The following ZRANB3 variants were observed in gnomAD, a reference collection of about 807,000 sequenced individuals.
The protein encoded by ZRANB3 is DNA annealing helicase and endonuclease ZRANB3.
In ZRANB3, 125 loss-of-function variants were observed where a neutral mutation model predicts 133.8. The ratio of observed to expected loss-of-function variants is 0.93; its 90% CI spans 0.81 to 1.08. The LOEUF is 1.08. Ranked by LOEUF, ZRANB3 falls within the 50% of genes least tolerant of loss-of-function variation. The pLI is 0.00. For synonymous variants in ZRANB3, 387 were observed against 432.7 expected (o/e 0.89, Z 1.31); for missense variants, 1,229 against 1,275.5 (o/e 0.96, Z 0.56).
At chr2:135,522,396 T>C (rs1263830348) in intron 1 of ZRANB3, among the ~76,000 whole-genome samples, 1 of 152,230 alleles carries the variant, frequency 6.6e-6, no homozygotes, top group Admixed American at 6.5e-5. Context: ...ACTCTTATTC[T>C]GTCTCTTTCT....
intron 3 of ZRANB3, among the ~76,000 whole-genome samples, chr2:135,389,876 C>CCT (rs1687145218): frequency 2.0e-5 from 2 of 102,334 alleles, no homozygotes; most frequent in Non-Finnish European, 3.7e-5. Flanking sequence ...TGCTGTTATT[C>CCT]TTTTTTTTTT....
intron 8 of ZRANB3, among the ~76,000 whole-genome samples, chr2:135,279,473 G>A: frequency 6.6e-6 from 1 of 152,196 alleles, no homozygotes. Context: ...CTTTAATAAA[G>A]TGCATATTTG....
intron 12 of ZRANB3, among the ~76,000 whole-genome samples, chr2:135,258,622 T>C (rs1365185264): frequency 1.3e-5 from 2 of 152,230 alleles, no homozygotes; most frequent in Non-Finnish European, 2.9e-5. Context: ...GACATAGACA[T>C]TTGTATGTCT....
At chr2:135,395,117 T>G (rs1475555118) in intron 2 of ZRANB3, among the ~76,000 whole-genome samples, 1 of 152,110 alleles carries the variant, frequency 6.6e-6, no homozygotes, top group African/African-American at 2.4e-5. Flanking sequence ...TACAGAGCTA[T>G]TGTTACCAGC....
At chr2:135,527,040 T>C (rs1694193224) in intron 1 of ZRANB3, among the ~76,000 whole-genome samples, 1 of 152,220 alleles carries the variant, frequency 6.6e-6, no homozygotes, top group African/African-American at 2.4e-5. Flanking sequence ...TGTATTTGAT[T>C]GATGTCTCAT....
intron 2 of ZRANB3, among the ~76,000 whole-genome samples, chr2:135,494,919 A>T (rs563135186): frequency 6.6e-6 from 1 of 152,326 alleles, no homozygotes; most frequent in Non-Finnish European, 1.5e-5. Context: ...CAACTGACAA[A>T]ATATATTAAA....
intron 2 of ZRANB3, among the ~76,000 whole-genome samples, chr2:135,493,466 T>G: frequency 6.6e-6 from 1 of 151,522 alleles, no homozygotes; most frequent in Middle Eastern, 3.2e-3. Flanking sequence ...GCAACCCAAT[T>G]AAAACAAGGG....
At chr2:135,471,845 A>C (rs948307543) in intron 2 of ZRANB3, among the ~76,000 whole-genome samples, 1 of 152,252 alleles carries the variant, frequency 6.6e-6, no homozygotes, top group Non-Finnish European at 1.5e-5. Flanking sequence ...TTTTGCCTTT[A>C]GCATTACCAA....
chr2:135,507,976 AAGAG>A (rs141612301), intron 1 of ZRANB3, among the ~76,000 whole-genome samples: 10,070 of 151,844 alleles, frequency 0.066, 708 homozygotes, highest in African/African-American at 0.18. Flanking sequence ...AGGGAAAGAA[AAGAG>A]AGAGAGAGAA....
chr2:135,523,689 G>A (rs1343274875), intron 1 of ZRANB3, among the ~76,000 whole-genome samples: 1 of 152,128 alleles, frequency 6.6e-6, no homozygotes, highest in African/African-American at 2.4e-5. Flanking sequence ...AGACACAGAT[G>A]GTCAACTAAT....
chr2:135,254,187 T>C (rs1346312634), intron 12 of ZRANB3, among the ~76,000 whole-genome samples: 2 of 152,188 alleles, frequency 1.3e-5, no homozygotes, highest in East Asian at 1.9e-4. Flanking sequence ...CTGCCTGAAA[T>C]TGGACCTACT....
intron 2 of ZRANB3, among the ~76,000 whole-genome samples, chr2:135,406,486 T>C (rs1292010911): frequency 3.3e-5 from 5 of 152,256 alleles, no homozygotes; most frequent in Non-Finnish European, 2.9e-5. Flanking sequence ...TCAGCATCAT[T>C]CTGATACCAA....
At chr2:135,366,860 TA>T (rs950300547) in intron 3 of ZRANB3, among the ~76,000 whole-genome samples, 35 of 145,498 alleles carry the variant, frequency 2.4e-4, no homozygotes, top group South Asian at 2.2e-4. Context: ...CTACTAAAAA[TA>T]AAAAAAAAAA....
At chr2:135,315,656 G>T (rs1178433636) in intron 6 of ZRANB3, 126 bp from the exon 7 acceptor site, 21 of 710,604 alleles carry the variant, frequency 3.0e-5, no homozygotes, top group Non-Finnish European at 4.4e-5. Flanking sequence ...ATTTCTGAAT[G>T]AATATTAGTT....
At chr2:135,274,418 T>C (rs1680680116) in intron 9 of ZRANB3, among the ~76,000 whole-genome samples, 1 of 152,194 alleles carries the variant, frequency 6.6e-6, no homozygotes, top group African/African-American at 2.4e-5. Flanking sequence ...GTACTAACAT[T>C]GGCCAAGTTC....
chr2:135,394,953 CAAA>C (rs113220872), intron 2 of ZRANB3, among the ~76,000 whole-genome samples: 2 of 43,368 alleles, frequency 4.6e-5, no homozygotes, highest in South Asian at 1.7e-3. Context: ...CTTGTCTCTA[CAAA>C]AAAAAAAAAA....
intron 2 of ZRANB3, among the ~76,000 whole-genome samples, chr2:135,467,614 ATTG>A (rs1691057059): frequency 6.6e-6 from 1 of 152,052 alleles, no homozygotes; most frequent in Non-Finnish European, 1.5e-5. Context: ...GTACTTTCTA[ATTG>A]TCTCTCTTTG....
At chr2:135,231,500 C>T (rs185359999) in intron 12 of ZRANB3, among the ~76,000 whole-genome samples, 156 of 152,244 alleles carry the variant, frequency 1.0e-3, no homozygotes, top group Non-Finnish European at 2.0e-3. Context: ...TGGCTCATGC[C>T]GATAATCCTA....
At chr2:135,215,130 C>G (rs191282047) in intron 17 of ZRANB3, among the ~76,000 whole-genome samples, 2 of 152,198 alleles carry the variant, frequency 1.3e-5, no homozygotes, top group African/African-American at 4.8e-5. Context: ...GTTGACCAGT[C>G]TCGTCTCAAG....
Sources: allele counts gnomAD v4.1 joint callset (sites outside exome capture counted in the v4.1 genomes callset), GRCh38; gene constraint gnomAD v4.1.1; transcripts MANE v1.5; gene names NCBI Gene and HGNC (gene_info 2026-07-23, HGNC 2026-07-21).